Variants in GPR176 observed in about 807,000 individuals in gnomAD.
GPR176 encodes G protein-coupled receptor 176.
A neutral mutation model predicts 35.4 loss-of-function variants in GPR176; 26 were observed. The observed-to-expected ratio is 0.74, with a 90% CI of 0.54 to 1.02. The LOEUF is 1.02. Ranked by LOEUF, GPR176 falls within the 50% of genes least tolerant of loss-of-function variation. GPR176 has a pLI of 0.00. For synonymous variants in GPR176, 278 were observed against 271.3 expected, an observed-to-expected ratio of 1.02 and a Z score of -0.24; for missense variants, 597 against 665.3, an observed-to-expected ratio of 0.90 and a Z score of 1.13.
In GPR176 at chr15:39,920,102, G is replaced by A. The variant is rs2033838753; in HGVS notation, c.-76C>T. ...CGGAGCCTCTCCTCCTCCGGGTGAG[G>A]AGGGACGCGCGGGCGCCTGGCGGAG... On this transcript the variant is annotated 5_prime_UTR_variant, in exon 1 of 3. Coordinates refer to ENST00000561100, the MANE Select transcript of GPR176 (RefSeq NM_007223.3). The A allele has an allele frequency of 1.9e-6, 2 of 1,053,514 alleles. No individual in the cohort carries two copies. The highest frequency in any genetic ancestry group is 6.6e-5 in the South Asian group (2 of 30,112). 65.3% of individuals were successfully genotyped at this position (1,053,514 alleles called of 1,614,324 possible). A position where few individuals can be genotyped will look rare whatever the true frequency, so the allele number is the denominator to read the frequency against.
intron 1 of GPR176, among the ~76,000 whole-genome samples, chr15:39,810,662 A>G (rs1477020745): frequency 2.0e-5 from 3 of 152,232 alleles, no homozygotes; most frequent in Admixed American, 1.3e-4. Flanking sequence ...GTACAGAAAG[A>G]TAACATGCCA....
At chr15:39,910,831 A>G (rs569068889) in intron 1 of GPR176, among the ~76,000 whole-genome samples, 2 of 152,264 alleles carry the variant, frequency 1.3e-5, no homozygotes, top group South Asian at 4.1e-4. Context: ...TAAGGTCAGT[A>G]GTTCGGGACC....
chr15:39,913,583 A>G (rs2140879871), intron 1 of GPR176, among the ~76,000 whole-genome samples: 1 of 151,998 alleles, frequency 6.6e-6, no homozygotes, highest in South Asian at 2.1e-4. Context: ...AAGGAAAGAA[A>G]CTAAATGAGT....
At chr15:39,917,517 G>A (rs1250388779) in intron 1 of GPR176, among the ~76,000 whole-genome samples, 3 of 151,110 alleles carry the variant, frequency 2.0e-5, no homozygotes, top group Admixed American at 6.6e-5. Context: ...TGTATTTTTA[G>A]TACAGTCGGG....
intron 1 of GPR176, among the ~76,000 whole-genome samples, chr15:39,880,825 C>G (rs1254183206): frequency 1.3e-5 from 2 of 152,184 alleles, no homozygotes; most frequent in Non-Finnish European, 2.9e-5. Flanking sequence ...TGTTGCCATG[C>G]CCTTGCCTAA....
At chr15:39,854,803 G>A (rs1474277482) in intron 1 of GPR176, among the ~76,000 whole-genome samples, 4 of 152,082 alleles carry the variant, frequency 2.6e-5, no homozygotes, top group Non-Finnish European at 5.9e-5. Context: ...TTGGGAGCCT[G>A]CGGTGGGAGG....
At chr15:39,830,593 C>T (rs1901006826) in intron 1 of GPR176, among the ~76,000 whole-genome samples, 2 of 152,126 alleles carry the variant, frequency 1.3e-5, no homozygotes, top group African/African-American at 4.8e-5. Flanking sequence ...GCTAGAATCA[C>T]TTTGAAGAAA....
At chr15:39,884,360 A>C (rs986635241) in intron 1 of GPR176, among the ~76,000 whole-genome samples, 2 of 143,094 alleles carry the variant, frequency 1.4e-5, no homozygotes, top group Non-Finnish European at 2.9e-5. Flanking sequence ...ACTCTATGTA[A>C]TAAGCTAAAC....
chr15:39,869,309 A>C (rs1197108475), intron 1 of GPR176, among the ~76,000 whole-genome samples: 1 of 152,178 alleles, frequency 6.6e-6, no homozygotes, highest in African/African-American at 2.4e-5. Flanking sequence ...TTCCTCCATC[A>C]AACTATTTTA....
intron 1 of GPR176, among the ~76,000 whole-genome samples, chr15:39,893,774 G>GC (rs1358604442): frequency 1.4e-5 from 2 of 138,376 alleles, no homozygotes; most frequent in Non-Finnish European, 3.3e-5. Context: ...GGCTGGCCAG[G>GC]CGGGGGCTGA....
At chr15:39,848,506 A>C (rs2030606974) in intron 1 of GPR176, among the ~76,000 whole-genome samples, 1 of 152,180 alleles carries the variant, frequency 6.6e-6, no homozygotes, top group African/African-American at 2.4e-5. Context: ...CAACAGGAGA[A>C]TATACATTAT....
intron 1 of GPR176, among the ~76,000 whole-genome samples, chr15:39,847,651 G>A (rs1340869392): frequency 1.4e-5 from 2 of 144,996 alleles, no homozygotes; most frequent in African/African-American, 2.6e-5. Flanking sequence ...GCTGAGGCAT[G>A]AGAATTCTTT....
At chr15:39,857,655 G>A (rs369742566) in intron 1 of GPR176, among the ~76,000 whole-genome samples, 1 of 151,456 alleles carries the variant, frequency 6.6e-6, no homozygotes, top group African/African-American at 2.4e-5. Context: ...GGGTGACAAG[G>A]CAAGACATTG....
chr15:39,813,819 A>T (rs902628908), intron 1 of GPR176, among the ~76,000 whole-genome samples: 6 of 152,166 alleles, frequency 3.9e-5, no homozygotes, highest in Non-Finnish European at 8.8e-5. Flanking sequence ...ATATTTCATT[A>T]TTATACAATG....
chr15:39,854,254 C>T lies in GPR176; in HGVS notation c.173-46996G>A, dbSNP rs1176111861. On this transcript the variant is annotated intron_variant, in intron 1 of 2. Coordinates refer to ENST00000561100, the MANE Select transcript of GPR176 (RefSeq NM_007223.3). ...CAGGACCTGTGATGTAAACTCTAGC[C>T]CAAAAGAAAATCTCAGATGTCTTCT... Among the ~76,000 whole-genome samples the T allele has an allele frequency of 2.0e-5, 3 of 152,056 alleles. No individual in the cohort carries two copies. The South Asian group carries it at 6.2e-4, about 32-fold the overall frequency.
Position 39,801,669 on chromosome 15 carries a change from T to A in GPR176, c.1011A>T (p.Gln337His), listed in dbSNP as rs1898874326. 4 of 1,613,730 alleles carry A rather than the reference T, an allele frequency of 2.5e-6. No homozygotes were observed. The East Asian group carries it at 8.9e-5, about 36-fold the overall frequency. ...TACGGCGACTGTACCGGTGGTGTAG[T>A]TGCACCAGGGTCCCTATCAAGCACT... ...VRKCLIGTLV[Q>H]LHHRYSRRNV... Residue 337 changes from glutamine (Q) to histidine (H), a missense_variant, in exon 3 of 3, where the codon CAA becomes CAT. Gln to His is a conservative substitution (Grantham distance 24, BLOSUM62 0). Coordinates refer to ENST00000561100, the MANE Select transcript of GPR176 (RefSeq NM_007223.3).
intron 1 of GPR176, among the ~76,000 whole-genome samples, chr15:39,852,279 A>G (rs968192680): frequency 3.9e-5 from 6 of 152,058 alleles, no homozygotes; most frequent in Non-Finnish European, 7.4e-5. Context: ...AAACACTGAA[A>G]ATCTACAACA....
At chr15:39,872,447 C>A (rs115662757) in intron 1 of GPR176, among the ~76,000 whole-genome samples, 17 of 152,142 alleles carry the variant, frequency 1.1e-4, no homozygotes, top group African/African-American at 4.1e-4. Flanking sequence ...AGGATGAGAC[C>A]CAATTGTTAA....
chr15:39,872,368 AAGG>A (rs1025662566), intron 1 of GPR176, among the ~76,000 whole-genome samples: 14 of 152,162 alleles, frequency 9.2e-5, no homozygotes, highest in African/African-American at 2.4e-4. Context: ...GGAGTATGAG[AAGG>A]AGGAGTACAG....
Sources: allele counts gnomAD v4.1 joint callset (sites outside exome capture counted in the v4.1 genomes callset), GRCh38; gene constraint gnomAD v4.1.1; transcripts MANE v1.5; gene names NCBI Gene and HGNC (gene_info 2026-07-23, HGNC 2026-07-21).